EML1: variants seen among roughly 807,000 people sequenced by gnomAD.
EML1 encodes echinoderm microtubule-associated protein-like 1.
EML1 carries 27 observed loss-of-function variants against 110.4 expected under a neutral mutation model. That is an observed-to-expected ratio of 0.24 (90% CI 0.18 to 0.34). EML1 has a LOEUF of 0.34. EML1 is among the 10% of genes least tolerant of loss of function. The pLI is 1.00. For synonymous variants in EML1, 344 were observed against 385.8 expected (o/e 0.89, Z 1.27); for missense variants, 741 against 1,030.9 (o/e 0.72, Z 3.85).
intron 1 of EML1, among the ~76,000 whole-genome samples, chr14:99,739,119 A>AGAGTGTGT (rs1258318282): frequency 8.9e-5 from 12 of 134,994 alleles, no homozygotes; most frequent in African/African-American, 3.5e-4. Flanking sequence ...AGAGAGAGAG[A>AGAGTGTGT]GTGTGTGTGT....
At chr14:99,852,092 A>C (rs958865056) in intron 2 of EML1, among the ~76,000 whole-genome samples, 3 of 152,212 alleles carry the variant, frequency 2.0e-5, no homozygotes, top group Non-Finnish European at 4.4e-5. Context: ...ATCTTCTTAG[A>C]AGATAATGGA....
At chr14:99,793,030 G>C (rs1423364136), upstream of EML1, 1 of 151,908 alleles carries the variant, frequency 6.6e-6, no homozygotes, top group Non-Finnish European at 1.5e-5. Context: ...GCTCTCTCCC[G>C]GCCTTGGTCT....
intron 6 of EML1, 83 bp downstream of exon 6, chr14:99,894,841 T>C: frequency 6.9e-7 from 1 of 1,456,754 alleles, no homozygotes; most frequent in Non-Finnish European, 9.1e-7. Flanking sequence ...TTCATAAAAC[T>C]TAAGTCCTCT....
At chr14:99,923,638 GC>G (rs34964668) in intron 17 of EML1, among the ~76,000 whole-genome samples, 61,734 of 123,356 alleles carry the variant, frequency 0.5, 16,130 homozygotes, top group African/African-American at 0.61. Context: ...ACTCAGTTCT[GC>G]CCCCTTCACC....
chr14:99,879,935 A>G (rs2059357897), intron 4 of EML1, among the ~76,000 whole-genome samples: 2 of 152,180 alleles, frequency 1.3e-5, no homozygotes, highest in South Asian at 2.1e-4. Flanking sequence ...AGAATTTCCA[A>G]AAAGAATCTG....
At chr14:99,856,472 C>CCATT (rs1318149701) in intron 2 of EML1, among the ~76,000 whole-genome samples, 1 of 152,136 alleles carries the variant, frequency 6.6e-6, no homozygotes, top group African/African-American at 2.4e-5. Context: ...TCTTGGCAGT[C>CCATT]AATGACATTA....
At chr14:99,807,331 T>C (rs2057994890) in intron 1 of EML1, among the ~76,000 whole-genome samples, 1 of 152,242 alleles carries the variant, frequency 6.6e-6, no homozygotes, top group African/African-American at 2.4e-5. Context: ...TTACTTATTC[T>C]TTCCTGGCCT....
intron 2 of EML1, among the ~76,000 whole-genome samples, chr14:99,861,569 C>T (rs977512389): frequency 1.3e-5 from 2 of 152,110 alleles, no homozygotes; most frequent in African/African-American, 4.8e-5. Flanking sequence ...GCAACCTCTG[C>T]CTCCCGGGTT....
chr14:99,835,570 C>T (rs941070200), intron 1 of EML1, among the ~76,000 whole-genome samples: 4 of 152,108 alleles, frequency 2.6e-5, no homozygotes, highest in African/African-American at 9.7e-5. Flanking sequence ...CCCCTACTTC[C>T]TTCTCCTTTC....
At chr14:99,932,953 C>CT (rs1248137227) in intron 17 of EML1, among the ~76,000 whole-genome samples, 6 of 151,696 alleles carry the variant, frequency 4.0e-5, no homozygotes, top group Non-Finnish European at 8.8e-5. Flanking sequence ...CCCGTCTCAA[C>CT]AAAAAAATAA....
intron 1 of EML1, 64 bp from the exon 2 acceptor site, chr14:99,850,789 G>A (rs2058783230): frequency 1.3e-6 from 2 of 1,552,732 alleles, no homozygotes; most frequent in Non-Finnish European, 1.8e-6. Flanking sequence ...GCTAGATAGA[G>A]TATGTTTATA....
intron 1 of EML1, among the ~76,000 whole-genome samples, chr14:99,820,669 T>G (rs1433591245): frequency 1.3e-5 from 2 of 152,210 alleles, no homozygotes; most frequent in Non-Finnish European, 2.9e-5. Context: ...TACCGGTGTC[T>G]TAACGTCAGG....
intron 3 of EML1, among the ~76,000 whole-genome samples, chr14:99,870,122 T>G (rs2059171459): frequency 2.0e-5 from 3 of 152,138 alleles, no homozygotes; most frequent in Admixed American, 2.0e-4. Context: ...GCTACTCCAG[T>G]GAACACGTGA....
intron 15 of EML1, among the ~76,000 whole-genome samples, chr14:99,915,975 G>T (rs1417624411): frequency 6.6e-6 from 1 of 152,204 alleles, no homozygotes. Flanking sequence ...AGGTGGAAGG[G>T]CCCAAGGGGC....
At chr14:99,914,357 G>C in intron 14 of EML1, 53 bp downstream of exon 14, 1 of 1,585,404 alleles carries the variant, frequency 6.3e-7, no homozygotes, top group Non-Finnish European at 8.6e-7. Context: ...CATTATATCA[G>C]ACCCTAATCA....
chr14:99,895,119 C>CT (rs1157151446), intron 6 of EML1, among the ~76,000 whole-genome samples: 4 of 151,990 alleles, frequency 2.6e-5, no homozygotes, highest in Non-Finnish European at 5.9e-5. Context: ...AAATGAATCA[C>CT]TAGTTTCTGG....
At chr14:99,815,846 C>T (rs1406568768) in intron 1 of EML1, among the ~76,000 whole-genome samples, 2 of 152,064 alleles carry the variant, frequency 1.3e-5, no homozygotes, top group African/African-American at 2.4e-5. Context: ...GAGATGCTTA[C>T]GAGATGAGCA....
intron 1 of EML1, among the ~76,000 whole-genome samples, chr14:99,762,743 A>G (rs186929197): frequency 6.6e-6 from 1 of 152,298 alleles, no homozygotes; most frequent in African/African-American, 2.4e-5. Flanking sequence ...AGACTGCAGT[A>G]AGCCATATTT....
chr14:99,806,666 C>T (rs1474257493), intron 1 of EML1, among the ~76,000 whole-genome samples: 3 of 152,010 alleles, frequency 2.0e-5, no homozygotes, highest in Non-Finnish European at 1.5e-5. Context: ...AAGCAAGAGC[C>T]AGTACAAGAC....
Sources: allele counts gnomAD v4.1 joint callset (sites outside exome capture counted in the v4.1 genomes callset), GRCh38; gene constraint gnomAD v4.1.1; transcripts MANE v1.5; gene names NCBI Gene and HGNC (gene_info 2026-07-23, HGNC 2026-07-21).